Variants in SLC1A4 observed in about 807,000 individuals in gnomAD.
The protein encoded by SLC1A4 is neutral amino acid transporter A.
Under a neutral mutation model 37.7 loss-of-function variants are expected in SLC1A4, and 19 were observed. That is an observed-to-expected ratio of 0.50 (90% CI 0.35 to 0.74). The LOEUF is 0.74. Ranked by LOEUF, SLC1A4 falls within the 30% of genes least tolerant of loss-of-function variation. The probability of loss-of-function intolerance (pLI) is 0.01; values close to 1 mark genes in which losing one functional copy is unlikely to be tolerated. For synonymous variants in SLC1A4, 299 were observed against 309.8 expected, an observed-to-expected ratio of 0.97 and a Z score of 0.37; for missense variants, 570 against 712.9, an observed-to-expected ratio of 0.80 and a Z score of 2.28.
At position 65,018,509 on chromosome 2, in the gene SLC1A4, T is replaced by C; in HGVS notation, c.1230-36T>C. On this transcript the variant is annotated intron_variant, in intron 6 of 7. Coordinates refer to ENST00000234256, the MANE Select transcript of SLC1A4 (RefSeq NM_003038.5). The surrounding 1 kb of genome is among the most constrained non-coding windows in gnomAD (Gnocchi z 4.3). ...ATTTCTCTGTGTCCACTCCACGCTCTATGTTAATGGCTGGCCCTGCTCTGC... is the reference window on the plus strand; with the variant it reads ...ATTTCTCTGTGTCCACTCCACGCTCCATGTTAATGGCTGGCCCTGCTCTGC... The C allele has an allele frequency of 6.2e-7, 1 of 1,611,330 alleles. No homozygotes were observed. Among genetic ancestry groups the C allele is most frequent in the Non-Finnish European group, 8.5e-7 (1 of 1,178,644 alleles).
intron 7 of SLC1A4, among the ~76,000 whole-genome samples, chr2:65,019,393 G>A (rs1674316995): frequency 6.6e-6 from 1 of 152,158 alleles, no homozygotes; most frequent in African/African-American, 2.4e-5. Flanking sequence ...TGTGTAATGT[G>A]CACTGTGTGT....
Position 65,018,230 on chromosome 2 carries a change from C to G in SLC1A4, c.1194C>G (p.Asn398Lys), listed in dbSNP as rs772532007. 3 of 1,614,042 alleles carry G rather than the reference C, an allele frequency of 1.9e-6. No individual in the cohort carries two copies. In the African/African-American group the frequency reaches 4.0e-5, roughly 22 times the overall value. ...CGGTGTTCATTGCGCAACTCAACAA[C>G]GTAGAGCTCAACGCAGGACAGATTT... The part of the protein sequence containing the change: ...VAAVFIAQLN[N>K]VELNAGQIFT... Residue 398 changes from asparagine to lysine, a missense_variant, in exon 6 of 8, where the codon AAC (asparagine) becomes AAG (lysine). Coordinates refer to ENST00000234256, the MANE Select transcript of SLC1A4 (RefSeq NM_003038.5). The surrounding 1 kb of genome is among the most constrained non-coding windows in gnomAD (Gnocchi z 4.3).
At chr2:64,998,113 T>C (rs573580886) in intron 1 of SLC1A4, among the ~76,000 whole-genome samples, 6 of 152,230 alleles carry the variant, frequency 3.9e-5, no homozygotes, top group African/African-American at 1.4e-4. Flanking sequence ...GGCGGGCGCC[T>C]GTAGTCCCAG....
intron 4 of SLC1A4, among the ~76,000 whole-genome samples, chr2:65,012,647 C>T (rs935540786): frequency 1.3e-5 from 2 of 152,152 alleles, no homozygotes; most frequent in African/African-American, 2.4e-5. Flanking sequence ...AGGGAGAGAA[C>T]TGATATTTTC....
chr2:65,009,379 GA>G lies in SLC1A4; in HGVS notation c.634-1207del, dbSNP rs199853664. 8.5e-3 allele frequency among the ~76,000 whole-genome samples: 733 copies of G among 86,498 alleles called. 6 individuals carry two copies. The highest frequency in any genetic ancestry group is 0.015 in the African/African-American group (403 of 26,896). 56.7% of individuals were successfully genotyped at this position (86,498 alleles called of 152,430 possible). A position where few individuals can be genotyped will look rare whatever the true frequency, so the allele number is the denominator to read the frequency against. ...CAAGAGCGAAACTCTGTCTCAAAAA[GA>G]AAAAAAAAAAGAAAAGAAAGAAAGA... On this transcript the variant is annotated intron_variant, in intron 3 of 7. Transcript: ENST00000234256.
chr2:64,998,165 A>T (rs1018347398), intron 1 of SLC1A4, among the ~76,000 whole-genome samples: 6 of 152,086 alleles, frequency 3.9e-5, no homozygotes, highest in Non-Finnish European at 8.8e-5. Flanking sequence ...TGAACCTCGG[A>T]GGCGGAGCTT....
Position 65,018,063 on chromosome 2 carries a change from A to T in SLC1A4, c.1035-8A>T. ...TCATGTCTGGCGGTTTGTTTTTCCC[A>T]TTTCTAGCTCAGCGACCCTTCCCTC... On this transcript the variant is annotated splice_region_variant and splice_polypyrimidine_tract_variant and intron_variant, in intron 5 of 7. Transcript: ENST00000234256. This position sits in a 1 kb window ranked among gnomAD's most constrained non-coding sequence, Gnocchi z 4.3. The T allele has an allele frequency of 2.5e-6, 4 of 1,610,512 alleles. No individual in the cohort carries two copies. The highest frequency in any genetic ancestry group is 2.5e-6 in the Non-Finnish European group (3 of 1,177,380).
Position 65,001,508 on chromosome 2 carries a change from G to A in SLC1A4, c.570+18G>A. The A allele has an allele frequency of 6.2e-7, 1 of 1,609,036 alleles. No individual in the cohort carries two copies. The highest frequency in any genetic ancestry group is 8.5e-7 in the Non-Finnish European group (1 of 1,175,622). On this transcript the variant is annotated intron_variant, in intron 2 of 7. Transcript: ENST00000234256. ...TCCGTACGGTAAGGCTTGATACTTT[G>A]CTAAAAATATGAAACTTTGATGGAA...
At position 65,018,449 on chromosome 2, in the gene SLC1A4, T is replaced by C; in HGVS notation, c.1230-96T>C. The C allele has an allele frequency of 6.5e-7, 1 of 1,541,930 alleles. No individual in the cohort carries two copies. The highest frequency in any genetic ancestry group is 1.2e-5 in the South Asian group (1 of 81,436). The stretch of plus-strand genomic sequence containing the variant: ...AGCAGAGCCTATGGTGGGGCGGTTT[T>C]TAGTTTCCAGCCACATTGCAGCTGC... On this transcript the variant is annotated intron_variant, in intron 6 of 7. Transcript: ENST00000234256. The surrounding 1 kb of genome is among the most constrained non-coding windows in gnomAD (Gnocchi z 4.3).
In SLC1A4 at chr2:64,990,068, G is replaced by A. The variant is rs1381922548; in HGVS notation, c.425G>A (p.Gly142Glu). The stretch of plus-strand genomic sequence containing the variant: ...GCCTTGGCGTTCATCATCAAGCCAG[G>A]ATCCGGTGCGCAGACCCTTCAGTCC... ...AVALAFIIKP[G>E]SGAQTLQSSD... Residue 142 changes from glycine (G) to glutamate (E), a missense_variant, in exon 1 of 8, where the codon GGA becomes GAA. Coordinates refer to ENST00000234256, the MANE Select transcript of SLC1A4 (RefSeq NM_003038.5). The A allele has an allele frequency of 6.2e-7, 1 of 1,608,444 alleles. No homozygotes were observed. Among genetic ancestry groups the A allele is most frequent in the Non-Finnish European group, 8.5e-7 (1 of 1,177,652 alleles).
chr2:64,990,165 G>A lies in SLC1A4; in HGVS notation c.522G>A (p.Leu174=). 6.2e-7 allele frequency: 1 copy of A among 1,602,348 alleles called. No individual in the cohort carries two copies. Among genetic ancestry groups the A allele is most frequent in the Non-Finnish European group, 8.5e-7 (1 of 1,173,444 alleles). ...PKETVDSFLD[L]ARNLFPSNLV... ...AGACGGTGGACTCTTTCCTCGACCT[G>A]GCCAGGTAACACTCTCCACCTCTCC... The change falls in exon 1 of 8, where the codon CTG becomes CTA. Residue 174 remains leucine, a synonymous_variant. Coordinates refer to ENST00000234256, the MANE Select transcript of SLC1A4 (RefSeq NM_003038.5).
Position 65,023,681 on chromosome 2 carries a change from CA to C in SLC1A4, c.*2536del. On this transcript the variant is annotated 3_prime_UTR_variant, in exon 8 of 8. Coordinates refer to ENST00000234256, the MANE Select transcript of SLC1A4 (RefSeq NM_003038.5). ...TTTTCAGTCCACAGAGTCGGTAGACCAGGGGTTACGTGACTGGGGAAAATCT... is the reference window on the plus strand; with the variant it reads ...TTTTCAGTCCACAGAGTCGGTAGACCGGGGTTACGTGACTGGGGAAAATCT... 1 of 152,672 alleles carries C rather than the reference CA, an allele frequency of 6.5e-6. No homozygotes were observed. The highest frequency in any genetic ancestry group is 2.1e-4 in the South Asian group (1 of 4,820). 9.5% of individuals were successfully genotyped at this position (152,672 alleles called of 1,614,324 possible).
intron 3 of SLC1A4, among the ~76,000 whole-genome samples, chr2:65,008,042 C>T (rs1358990596): frequency 6.6e-6 from 1 of 152,170 alleles, no homozygotes; most frequent in African/African-American, 2.4e-5. Context: ...ATGAGATCCA[C>T]TTTTTTAGCT....
intron 5 of SLC1A4, among the ~76,000 whole-genome samples, chr2:65,017,828 G>T (rs1226534554): frequency 6.6e-6 from 1 of 152,232 alleles, no homozygotes; most frequent in Non-Finnish European, 1.5e-5. Context: ...TGGAACACGT[G>T]AATCCAAGTA....
At chr2:64,991,255 T>C (rs950035722) in intron 1 of SLC1A4, among the ~76,000 whole-genome samples, 1 of 152,158 alleles carries the variant, frequency 6.6e-6, no homozygotes, top group Non-Finnish European at 1.5e-5. Flanking sequence ...GATGGCTGTC[T>C]GCACTTAAGA....
intron 3 of SLC1A4, among the ~76,000 whole-genome samples, chr2:65,004,651 C>G (rs1673608135): frequency 6.6e-6 from 1 of 151,816 alleles, no homozygotes; most frequent in South Asian, 2.1e-4. Flanking sequence ...ATTTAAACTA[C>G]CCCTATACCT....
In SLC1A4 at chr2:65,022,083, A is replaced by G. The variant is rs1407547309; in HGVS notation, c.*937A>G. 2.0e-5 allele frequency: 3 copies of G among 152,236 alleles called. No homozygotes were observed. The highest frequency in any genetic ancestry group is 1.9e-4 in the East Asian group (1 of 5,188). 9.4% of individuals were successfully genotyped at this position (152,236 alleles called of 1,614,324 possible). On this transcript the variant is annotated 3_prime_UTR_variant, in exon 8 of 8. Coordinates refer to ENST00000234256, the MANE Select transcript of SLC1A4 (RefSeq NM_003038.5). ...CATTCAGGACCCTTGTTGATTTATC[A>G]TCTATTATTTGAATTCAACTGGACA... is the stretch of plus-strand genomic sequence containing the variant.
chr2:65,012,875 CA>C (rs1673975390), intron 4 of SLC1A4, among the ~76,000 whole-genome samples: 1 of 152,144 alleles, frequency 6.6e-6, no homozygotes, highest in South Asian at 2.1e-4. Context: ...CCTATCTCTA[CA>C]AAATATAAAC....
chr2:65,014,761 A>G (rs571852450), intron 4 of SLC1A4, among the ~76,000 whole-genome samples: 12 of 152,360 alleles, frequency 7.9e-5, no homozygotes, highest in Non-Finnish European at 1.3e-4. Context: ...ATCTCTACCT[A>G]GAGAACAAAG....
Sources: gnomAD v4.1 joint callset for allele counts (sites outside exome capture counted in the v4.1 genomes callset) on GRCh38, gnomAD v4.1.1 for gene constraint, Gnocchi (gnomAD v3.1) non-coding constraint, MANE v1.5 for transcripts, NCBI Gene and HGNC (gene_info 2026-07-23, HGNC 2026-07-21) for gene names.